Variants in GMCL1 observed in about 807,000 individuals in gnomAD.
The protein encoded by GMCL1 is germ cell-less protein-like 1.
A neutral mutation model predicts 75.5 loss-of-function variants in GMCL1; 54 were observed. That is an observed-to-expected ratio of 0.71 (90% CI 0.57 to 0.90). GMCL1 has a LOEUF of 0.90. Ranked by LOEUF, GMCL1 falls within the 40% of genes least tolerant of loss-of-function variation. GMCL1 has a pLI of 0.00. For synonymous variants in GMCL1, 210 were observed against 209.6 expected, an observed-to-expected ratio of 1.00 and a Z score of -0.02; for missense variants, 537 against 622.7, an observed-to-expected ratio of 0.86 and a Z score of 1.47.
chr2:69,866,109 C>T (rs1036644802), intron 11 of GMCL1, among the ~76,000 whole-genome samples: 15 of 152,102 alleles, frequency 9.9e-5, no homozygotes, highest in South Asian at 4.2e-4. Flanking sequence ...ATTCTCTGGG[C>T]GTAGTGGTGT....
intron 7 of GMCL1, among the ~76,000 whole-genome samples, chr2:69,848,522 C>T (rs1675219333): frequency 6.6e-6 from 1 of 152,146 alleles, no homozygotes. Flanking sequence ...GCTTGGGTAA[C>T]ATGGCAAAAA....
intron 10 of GMCL1, 111 bp from the exon 11 acceptor site, chr2:69,864,789 A>G (rs1309185751): frequency 1.4e-6 from 1 of 692,800 alleles, no homozygotes; most frequent in East Asian, 2.8e-5. Context: ...TGTACCACAA[A>G]AACTTATTTT....
intron 2 of GMCL1, among the ~76,000 whole-genome samples, chr2:69,839,174 G>C (rs966547324): frequency 6.6e-6 from 1 of 152,122 alleles, no homozygotes; most frequent in Non-Finnish European, 1.5e-5. Context: ...AGCTAACCAG[G>C]TTCAAATAAT....
At position 69,869,855 on chromosome 2, in the gene GMCL1, T is replaced by C. The variant is rs1675937114; in HGVS notation, c.1355T>C (p.Ile452Thr). Residue 452 changes from isoleucine (I) to threonine (T), a missense_variant, in exon 12 of 14, where the codon ATA becomes ACA. This residue lies in a region of GMCL1 where 345 missense variants were observed against 410.5 expected (regional missense o/e 0.84). Coordinates refer to ENST00000282570, the MANE Select transcript of GMCL1 (RefSeq NM_178439.5). ...GSVSLQPRRS[I>T]AFRLRLASFD... Reference sequence around the variant, plus strand: ...GTCAGTTTACAGCCTCGAAGGAGCATAGCATTTAGGTAGGATGAGATTTCC... The same window carrying C: ...GTCAGTTTACAGCCTCGAAGGAGCACAGCATTTAGGTAGGATGAGATTTCC... 1 of 1,613,546 alleles carries C rather than the reference T, an allele frequency of 6.2e-7. No homozygotes were observed. Among genetic ancestry groups the C allele is most frequent in the South Asian group, 1.1e-5 (1 of 91,036 alleles).
chr2:69,844,135 C>T lies in GMCL1; in HGVS notation c.697C>T (p.Leu233Phe). ...AATTATATATTTTAATTTCAGGTGC[C>T]TTGAATGGCTTCTAAACAATTTGAT... ...YGLDSVKKKC[L>F]EWLLNNLMTH... Residue 233 changes from leucine to phenylalanine, a missense_variant, in exon 6 of 14, where the codon CTT becomes TTT. Leu to Phe is a conservative substitution (Grantham distance 22). Around this residue, in one of 3 missense-constraint regions of GMCL1, gnomAD observed 345 missense variants for 410.5 expected, o/e 0.84. Transcript: ENST00000282570. 6.5e-7 allele frequency: 1 copy of T among 1,536,822 alleles called. No homozygotes were observed. Among genetic ancestry groups the T allele is most frequent in the African/African-American group, 1.4e-5 (1 of 72,018 alleles).
At chr2:69,830,300 C>A in intron 1 of GMCL1, 148 bp downstream of exon 1, 1 of 1,100,680 alleles carries the variant, frequency 9.1e-7, no homozygotes, top group Non-Finnish European at 1.3e-6. Context: ...GGAAGCCGGC[C>A]CGATGCGGGG....
chr2:69,840,913 T>C (rs767491232), intron 3 of GMCL1, 29 bp from the exon 4 acceptor site: 1 of 1,464,782 alleles, frequency 6.8e-7, no homozygotes, highest in Non-Finnish European at 9.5e-7. Flanking sequence ...TAAATATTAT[T>C]TCATCCTACA....
At chr2:69,849,867 T>G in intron 8 of GMCL1, 125 bp downstream of exon 8, 1 of 512,734 alleles carries the variant, frequency 2.0e-6, no homozygotes, top group East Asian at 3.4e-5. Flanking sequence ...GTTTATAGAC[T>G]TAATTTTAGA....
At position 69,881,375 on chromosome 2, in the gene GMCL1, G is replaced by A. The variant is rs1036029581; in HGVS notation, c.*2371G>A. On this transcript the variant is annotated 3_prime_UTR_variant, in exon 14 of 14. Transcript: ENST00000282570. ...TGTTAATAGTGTAAGATAAAGTATTGTATAAACCATGGTTTGTGAAAGCTT... is the reference window on the plus strand; with the variant it reads ...TGTTAATAGTGTAAGATAAAGTATTATATAAACCATGGTTTGTGAAAGCTT... The A allele has an allele frequency of 1.1e-4, 17 of 152,148 alleles. No individual in the cohort carries two copies. Among genetic ancestry groups the A allele is most frequent in the African/African-American group, 4.1e-4 (17 of 41,446 alleles). The allele number at this position is 152,148 out of a possible 1,614,324, so 9.4% of individuals were successfully genotyped here.
At position 69,854,806 on chromosome 2, in the gene GMCL1, T is replaced by C. The variant is rs1675423428; in HGVS notation, c.935-17T>C. The C allele has an allele frequency of 6.3e-7, 1 of 1,597,792 alleles. No homozygotes were observed. Among genetic ancestry groups the C allele is most frequent in the South Asian group, 1.1e-5 (1 of 88,086 alleles). ...GTTTGAAAAGAATGGCTGTTTAACT[T>C]ACATGGTTTTTTATAGATTTTGAAG... On this transcript the variant is annotated splice_polypyrimidine_tract_variant and intron_variant, in intron 8 of 13. Coordinates refer to ENST00000282570, the MANE Select transcript of GMCL1 (RefSeq NM_178439.5).
In GMCL1 at chr2:69,832,399, G is replaced by A. The variant is rs190203891; in HGVS notation, c.260+2247G>A. Among the ~76,000 whole-genome samples, 131 of 152,240 alleles carry A rather than the reference G, an allele frequency of 8.6e-4. 1 individual carries two copies. Among genetic ancestry groups the A allele is most frequent in the Admixed American group, 4.3e-3 (65 of 15,286 alleles). On this transcript the variant is annotated intron_variant, in intron 1 of 13. Transcript: ENST00000282570. ...GTAAATATGTCTCCTTGATGAATTG[G>A]CCCCTTTATCATAACAAAATGTTCA...
intron 13 of GMCL1, among the ~76,000 whole-genome samples, chr2:69,874,368 T>C (rs1179036475): frequency 6.6e-6 from 1 of 152,006 alleles, no homozygotes; most frequent in African/African-American, 2.4e-5. Context: ...CATTTCTTTT[T>C]GTTTGTTTGT....
intron 8 of GMCL1, 80 bp downstream of exon 8, chr2:69,849,822 A>T (rs4852349): frequency 0.51 from 378,995 of 738,584 alleles, 104,094 homozygotes; most frequent in African/African-American, 0.88. Context: ...GAAAATAAAT[A>T]AATTAATTAA....
intron 9 of GMCL1, among the ~76,000 whole-genome samples, chr2:69,857,319 A>G (rs1288201106): frequency 6.6e-6 from 1 of 152,186 alleles, no homozygotes; most frequent in Admixed American, 6.5e-5. Flanking sequence ...CTTTGTTCCT[A>G]TACCCTCTAC....
At chr2:69,838,137 T>A (rs1674872486) in intron 2 of GMCL1, among the ~76,000 whole-genome samples, 1 of 151,948 alleles carries the variant, frequency 6.6e-6, no homozygotes, top group African/African-American at 2.4e-5. Flanking sequence ...AGTAGATTTC[T>A]GTACTGAAAA....
At chr2:69,858,142 C>A (rs1222521868) in intron 9 of GMCL1, among the ~76,000 whole-genome samples, 2 of 152,166 alleles carry the variant, frequency 1.3e-5, no homozygotes, top group Admixed American at 6.5e-5. Flanking sequence ...CTGTCAAATA[C>A]CACCTTGAAA....
At chr2:69,875,487 A>G (rs56837560) in intron 13 of GMCL1, among the ~76,000 whole-genome samples, 241 of 152,218 alleles carry the variant, frequency 1.6e-3, no homozygotes, top group African/African-American at 5.7e-3. Flanking sequence ...GGATCATTTT[A>G]TCAAGTTTCC....
At chr2:69,861,212 G>T in intron 9 of GMCL1, 66 bp from the exon 10 acceptor site, 1 of 1,149,454 alleles carries the variant, frequency 8.7e-7, no homozygotes, top group South Asian at 1.4e-5. Context: ...TGTCAACTAT[G>T]AATGTTTAAA....
chr2:69,861,346 G>A lies in GMCL1; in HGVS notation c.1141G>A (p.Gly381Arg). 1 of 1,599,776 alleles carries A rather than the reference G, an allele frequency of 6.3e-7. No individual in the cohort carries two copies. Among genetic ancestry groups the A allele is most frequent in the African/African-American group, 1.3e-5 (1 of 74,648 alleles). The change falls in exon 10 of 14, where the codon GGG (glycine) becomes AGG (arginine). Residue 381 changes from glycine (G) to arginine (R), a missense_variant and splice_region_variant. This residue lies in a region of GMCL1 where 345 missense variants were observed against 410.5 expected (regional missense o/e 0.84). Coordinates refer to ENST00000282570, the MANE Select transcript of GMCL1 (RefSeq NM_178439.5). ...MLRAEQDSEV[G>R]PQEINKEELE... ...GCGGGCAGAACAGGACAGTGAGGTG[G>A]GGTAAGTATATTATACCTTATCATT...
Sources: allele counts gnomAD v4.1 joint callset (sites outside exome capture counted in the v4.1 genomes callset), GRCh38; gene constraint gnomAD v4.1.1; regional missense constraint gnomAD v4.1.1; transcripts MANE v1.5; gene names NCBI Gene and HGNC (gene_info 2026-07-23, HGNC 2026-07-21).